The following TTC6 variants were observed in gnomAD, a reference collection of about 807,000 sequenced individuals.
TTC6 encodes the protein tetratricopeptide repeat domain 6.
In TTC6, 172 loss-of-function variants were observed where a neutral mutation model predicts 210.4. The ratio of observed to expected loss-of-function variants is 0.82; its 90% CI spans 0.72 to 0.93. The LOEUF (loss-of-function observed/expected upper bound fraction) is 0.93. Among genes scored for constraint, TTC6 ranks in the 40% least tolerant of loss-of-function variants. TTC6 has a pLI of 0.00. For missense variants in TTC6, 2,414 were observed against 2,318.1 expected (o/e 1.04, Z -0.85); for synonymous variants, 804 against 819.6 (o/e 0.98, Z 0.32).
rs763128816 is a variant in TTC6 at position 37,842,290 on chromosome 14, G to A, written c.5660G>A (p.Ter1887=). Residue 1887 remains the stop codon, a stop_retained_variant, in exon 31 of 31, where the codon TGA becomes TAA. Transcript: ENST00000553443. ...CTTGAAGACTATGCCTCAGTTATAT[G>A]ATTACATAGACTGTGGTTGCTATAG... The A allele has an allele frequency of 1.7e-5, 27 of 1,596,776 alleles. No individual in the cohort carries two copies. The East Asian group carries it at 6.1e-4, about 36-fold the overall frequency.
Position 37,806,524 on chromosome 14 carries a change from T to C in TTC6, c.4314+14T>C, listed in dbSNP as rs1164472287. On this transcript the variant is annotated intron_variant, in intron 22 of 30. Coordinates refer to ENST00000553443, the Ensembl canonical transcript of TTC6. The stretch of plus-strand genomic sequence containing the variant: ...AAACATTACCAGGTATTTAAACAGA[T>C]GTTTTTAGTGAGTTGGAAAGTGTTA... 1 of 1,504,932 alleles carries C rather than the reference T, an allele frequency of 6.6e-7. No homozygotes were observed. Among genetic ancestry groups the C allele is most frequent in the East Asian group, 2.5e-5 (1 of 40,550 alleles). The allele number at this position is 1,504,932 out of a possible 1,614,324, so 93.2% of individuals were successfully genotyped here.
At chr14:37,754,950 A>G (rs1038089614) in intron 14 of TTC6, among the ~76,000 whole-genome samples, 7 of 152,102 alleles carry the variant, frequency 4.6e-5, no homozygotes, top group African/African-American at 1.4e-4. Flanking sequence ...ATCAAATTCT[A>G]TTTCTGGTTC....
chr14:37,696,644 G>A (rs1159506771), intron 3 of TTC6, 73 bp from the exon 6 acceptor site: 17 of 658,664 alleles, frequency 2.6e-5, no homozygotes, highest in Admixed American at 4.0e-5. Flanking sequence ...TAGGTGACTC[G>A]CTAAATATGA....
At chr14:37,789,906 T>C (rs1286155299) in intron 15 of TTC6, among the ~76,000 whole-genome samples, 1 of 151,972 alleles carries the variant, frequency 6.6e-6, no homozygotes, top group African/African-American at 2.4e-5. Flanking sequence ...TGACAAAACT[T>C]TGCACCTTAA....
chr14:37,759,398 T>G (rs1199930002), intron 14 of TTC6, among the ~76,000 whole-genome samples: 1 of 152,212 alleles, frequency 6.6e-6, no homozygotes, highest in East Asian at 1.9e-4. Context: ...CTTCCCTTTG[T>G]GGGTAACTTG....
intron 6 of TTC6, among the ~76,000 whole-genome samples, chr14:37,720,110 T>A (rs1595148020): frequency 6.6e-6 from 1 of 152,102 alleles, no homozygotes; most frequent in East Asian, 1.9e-4. Flanking sequence ...CATTAGCTAT[T>A]AGGGAAATGC....
intron 5 of TTC6, among the ~76,000 whole-genome samples, chr14:37,707,584 G>A (rs567187429): frequency 5.3e-5 from 8 of 151,944 alleles, no homozygotes; most frequent in Non-Finnish European, 7.4e-5. Context: ...TAAGACAATC[G>A]CTTTTGTTTA....
intron 17 of TTC6, among the ~76,000 whole-genome samples, chr14:37,793,837 A>G (rs1025112777): frequency 1.3e-5 from 2 of 152,158 alleles, no homozygotes; most frequent in Admixed American, 1.3e-4. Context: ...TGGAGACAAG[A>G]GTGAATAGAA....
At chr14:37,622,181 G>T in exon 1 of TTC6, 1 of 1,535,584 alleles carries the variant, frequency 6.5e-7, no homozygotes. Context: ...TCAAGCAGAA[G>T]TTGGCCTCCA....
intron 1 of TTC6, among the ~76,000 whole-genome samples, chr14:37,633,638 G>A (rs1001816462): frequency 1.3e-5 from 2 of 152,156 alleles, no homozygotes; most frequent in Admixed American, 6.5e-5. Flanking sequence ...CAGTATCAAC[G>A]GGCTGTTACA....
chr14:37,820,451 CGTG>C (rs1261669085), intron 26 of TTC6, among the ~76,000 whole-genome samples: 1 of 152,166 alleles, frequency 6.6e-6, no homozygotes. Context: ...ACTTATATGA[CGTG>C]GTGAGCTTCA....
At chr14:37,751,178 A>G in exon 13 of TTC6, 3 of 1,531,018 alleles carry the variant, frequency 2.0e-6, no homozygotes, top group African/African-American at 2.7e-5. Context: ...GAGGGGTGAG[A>G]TGTATGAAAT....
intron 14 of TTC6, among the ~76,000 whole-genome samples, chr14:37,784,047 C>T (rs976685623): frequency 1.3e-5 from 2 of 152,124 alleles, no homozygotes; most frequent in African/African-American, 2.4e-5. Context: ...TGCTTTACTT[C>T]GAACTGTGTG....
At chr14:37,623,960 G>A (rs1422274402) in intron 1 of TTC6, among the ~76,000 whole-genome samples, 3 of 152,132 alleles carry the variant, frequency 2.0e-5, no homozygotes, top group Non-Finnish European at 2.9e-5. Flanking sequence ...TATGAGACAC[G>A]GTCTTTTTTG....
chr14:37,773,172 T>G (rs8015572), intron 14 of TTC6, among the ~76,000 whole-genome samples: 43,407 of 152,166 alleles, frequency 0.29, 6,181 homozygotes, highest in Middle Eastern at 0.31. Context: ...ATTAGACCTT[T>G]GTCAGATACA....
At chr14:37,791,532 A>C (rs183159706) in intron 16 of TTC6, among the ~76,000 whole-genome samples, 12 of 152,292 alleles carry the variant, frequency 7.9e-5, no homozygotes, top group Admixed American at 3.9e-4. Flanking sequence ...TTTGAACTTG[A>C]CACAGGAAAT....
intron 1 of TTC6, among the ~76,000 whole-genome samples, chr14:37,667,037 T>C (rs2095749537): frequency 6.6e-6 from 1 of 150,616 alleles, no homozygotes; most frequent in Admixed American, 6.6e-5. Context: ...CATTCTCTAT[T>C]ATTGGACATT....
intron 1 of TTC6, among the ~76,000 whole-genome samples, chr14:37,626,769 C>T (rs1238848870): frequency 7.9e-5 from 12 of 152,182 alleles, no homozygotes; most frequent in Admixed American, 7.9e-4. Context: ...AAAGCCTGCT[C>T]TTTAGCCAAA....
chr14:37,720,625 C>G (rs919640637), intron 6 of TTC6: 4 of 148,266 alleles, frequency 2.7e-5, no homozygotes, highest in African/African-American at 9.9e-5. Flanking sequence ...GTTAAGAAAA[C>G]TGTGGTACAT....
Sources: gnomAD v4.1 joint callset for allele counts (sites outside exome capture counted in the v4.1 genomes callset) on GRCh38, gnomAD v4.1.1 for gene constraint, MANE v1.5 for transcripts, NCBI Gene and HGNC (gene_info 2026-07-23, HGNC 2026-07-21) for gene names.